The following STAU2 variants were observed in gnomAD, a reference collection of about 807,000 sequenced individuals.
STAU2 encodes the protein staufen double-stranded RNA binding protein 2.
A neutral mutation model predicts 65.9 loss-of-function variants in STAU2; 20 were observed. That is an observed-to-expected ratio of 0.30 (90% CI 0.21 to 0.44). The LOEUF is 0.44. Ranked by LOEUF, STAU2 falls within the 20% of genes least tolerant of loss-of-function variation. STAU2 has a pLI of 1.00. For missense variants in STAU2, 558 were observed against 683.9 expected (o/e 0.82, Z 2.05); for synonymous variants, 232 against 233.9 (o/e 0.99, Z 0.07).
At chr8:73,569,791 AC>A (rs1808901889) in intron 12 of STAU2, among the ~76,000 whole-genome samples, 1 of 152,138 alleles carries the variant, frequency 6.6e-6, no homozygotes, top group Non-Finnish European at 1.5e-5. Flanking sequence ...GGACATCCAC[AC>A]CAAAACCCCA....
chr8:73,619,629 G>A (rs1813084147), intron 6 of STAU2, among the ~76,000 whole-genome samples: 1 of 152,196 alleles, frequency 6.6e-6, no homozygotes, highest in Non-Finnish European at 1.5e-5. Flanking sequence ...GCAGATTTGT[G>A]AGGCAATAAT....
intron 7 of STAU2, among the ~76,000 whole-genome samples, chr8:73,616,741 T>A (rs180760814): frequency 2.0e-5 from 3 of 151,908 alleles, no homozygotes; most frequent in Admixed American, 2.0e-4. Flanking sequence ...GAGGTTGCAG[T>A]GAGCTGAGAT....
chr8:73,634,861 T>C (rs766876599), intron 6 of STAU2, among the ~76,000 whole-genome samples: 112 of 152,344 alleles, frequency 7.4e-4, no homozygotes, highest in Non-Finnish European at 1.5e-3. Flanking sequence ...GTGATTCCCA[T>C]CCTTTTACTC....
intron 6 of STAU2, among the ~76,000 whole-genome samples, chr8:73,634,550 C>G (rs754347169): frequency 6.6e-6 from 1 of 152,106 alleles, no homozygotes; most frequent in Non-Finnish European, 1.5e-5. Flanking sequence ...ATAAAAAAAC[C>G]TACATTGGTT....
intron 12 of STAU2, among the ~76,000 whole-genome samples, chr8:73,564,254 G>A (rs553494669): frequency 1.1e-4 from 17 of 152,066 alleles, no homozygotes; most frequent in Non-Finnish European, 1.5e-4. Context: ...TAGTTTTCCC[G>A]GCACCATTTG....
chr8:73,537,620 C>G (rs961471790), intron 13 of STAU2, among the ~76,000 whole-genome samples: 4 of 152,128 alleles, frequency 2.6e-5, no homozygotes, highest in African/African-American at 9.7e-5. Flanking sequence ...GAAAAAATAT[C>G]CCTGAGGAAG....
intron 13 of STAU2, among the ~76,000 whole-genome samples, chr8:73,464,180 G>A (rs1819523141): frequency 6.6e-6 from 1 of 152,112 alleles, no homozygotes; most frequent in Non-Finnish European, 1.5e-5. Context: ...TTTGCACACA[G>A]CTCCTAAGAA....
chr8:73,609,913 G>A (rs1812320946), intron 9 of STAU2, among the ~76,000 whole-genome samples: 1 of 152,094 alleles, frequency 6.6e-6, no homozygotes, highest in Non-Finnish European at 1.5e-5. Flanking sequence ...AATTATTGTT[G>A]ATATAGATTG....
chr8:73,442,034 T>C (rs993811274), intron 13 of STAU2, among the ~76,000 whole-genome samples: 1 of 152,136 alleles, frequency 6.6e-6, no homozygotes, highest in Non-Finnish European at 1.5e-5. Flanking sequence ...TCACTAATAA[T>C]ACCAAACTTG....
chr8:73,571,311 C>T (rs1202768128), intron 12 of STAU2, among the ~76,000 whole-genome samples: 2 of 152,086 alleles, frequency 1.3e-5, no homozygotes, highest in African/African-American at 2.4e-5. Flanking sequence ...ACTTTAAACA[C>T]CCCACTGTCA....
At chr8:73,482,810 A>C (rs551621784) in intron 13 of STAU2, among the ~76,000 whole-genome samples, 6 of 152,118 alleles carry the variant, frequency 3.9e-5, no homozygotes, top group Admixed American at 3.3e-4. Context: ...ACACTTCACA[A>C]CTTCATTTGC....
chr8:73,461,659 G>GCACAAT (rs1819357033), intron 13 of STAU2, among the ~76,000 whole-genome samples: 1 of 152,060 alleles, frequency 6.6e-6, no homozygotes, highest in African/African-American at 2.4e-5. Flanking sequence ...ACAAGCACAA[G>GCACAAT]CACGGCAGCA....
chr8:73,710,658 CATT>C lies in STAU2; in HGVS notation c.-17-1499_-17-1497del, dbSNP rs1563522263. ...GCTTCAGAATATTTTTCTAATACCA[CATT>C]ATTTTAACCTATATTTTTCCTTTCT... On this transcript the variant is annotated intron_variant, in intron 3 of 14. Coordinates refer to ENST00000524300, the MANE Select transcript of STAU2 (RefSeq NM_001164380.2). Among the ~76,000 whole-genome samples, 5 of 152,108 alleles carry C rather than the reference CATT, an allele frequency of 3.3e-5. No individual in the cohort carries two copies. The South Asian group carries it at 1.0e-3, about 32-fold the overall frequency.
intron 13 of STAU2, among the ~76,000 whole-genome samples, chr8:73,436,568 T>TTTTA (rs3032117): frequency 0.22 from 31,620 of 141,244 alleles, 4,130 homozygotes; most frequent in East Asian, 0.5. Flanking sequence ...TTTGCCAATT[T>TTTTA]TTTATTTATT....
intron 3 of STAU2, among the ~76,000 whole-genome samples, chr8:73,731,957 T>C (rs756380454): frequency 6.6e-6 from 1 of 152,036 alleles, no homozygotes; most frequent in Non-Finnish European, 1.5e-5. Flanking sequence ...CTAAAAAAAA[T>C]TTAAAAACAA....
At chr8:73,536,124 T>G (rs1806162535) in intron 13 of STAU2, among the ~76,000 whole-genome samples, 1 of 152,192 alleles carries the variant, frequency 6.6e-6, no homozygotes, top group Admixed American at 6.5e-5. Flanking sequence ...TAGATTAACT[T>G]TTTCTTATTT....
chr8:73,529,102 A>G (rs1452094347), intron 13 of STAU2, among the ~76,000 whole-genome samples: 1 of 152,162 alleles, frequency 6.6e-6, no homozygotes, highest in Non-Finnish European at 1.5e-5. Context: ...AGATTTTGTT[A>G]TAAAAAATAT....
At chr8:73,652,624 C>A (rs1018512483) in intron 6 of STAU2, 1 of 151,786 alleles carries the variant, frequency 6.6e-6, no homozygotes, top group Non-Finnish European at 1.5e-5. Flanking sequence ...ACTCGGGAGG[C>A]TGCGGCAGGA....
intron 13 of STAU2, among the ~76,000 whole-genome samples, chr8:73,483,421 T>C (rs1820745472): frequency 6.6e-6 from 1 of 152,190 alleles, no homozygotes; most frequent in African/African-American, 2.4e-5. Context: ...CTCTTATCTA[T>C]GATTTCAAAG....
Sources: allele counts gnomAD v4.1 joint callset (sites outside exome capture counted in the v4.1 genomes callset), GRCh38; gene constraint gnomAD v4.1.1; transcripts MANE v1.5; gene names NCBI Gene and HGNC (gene_info 2026-07-23, HGNC 2026-07-21).